Variants in DNAH14 observed in about 807,000 individuals in gnomAD.
DNAH14 encodes the protein dynein axonemal heavy chain 14, also known as axonemal beta dynein heavy chain 14.
Under a neutral mutation model 520.9 loss-of-function variants are expected in DNAH14, and 478 were observed. The ratio of observed to expected loss-of-function variants is 0.92; its 90% CI spans 0.85 to 0.99. The LOEUF is 0.99. Ranked by LOEUF, DNAH14 falls within the 50% of genes least tolerant of loss-of-function variation. DNAH14 has a pLI of 0.00. For missense variants in DNAH14, 4,831 were observed against 5,234.5 expected (o/e 0.92, Z 2.38); for synonymous variants, 1,581 against 1,757.2 (o/e 0.90, Z 2.51).
At chr1:225,065,800 T>C (rs1368685987) in intron 17 of DNAH14, among the ~76,000 whole-genome samples, 4 of 152,080 alleles carry the variant, frequency 2.6e-5, no homozygotes, top group African/African-American at 9.6e-5. Context: ...CAATTGTCCA[T>C]AAGTGAATAG....
intron 44 of DNAH14, among the ~76,000 whole-genome samples, chr1:225,255,779 G>A (rs999761268): frequency 6.6e-6 from 1 of 152,070 alleles, no homozygotes; most frequent in African/African-American, 2.4e-5. Flanking sequence ...TAGAATAAAG[G>A]TATATATTCT....
chr1:225,175,766 C>T (rs1391422723), intron 36 of DNAH14, among the ~76,000 whole-genome samples: 5 of 138,492 alleles, frequency 3.6e-5, no homozygotes, highest in Admixed American at 1.5e-4. Context: ...TGCACTGGTG[C>T]GATCTCAGCT....
At chr1:225,091,294 T>C (rs1470592711) in intron 21 of DNAH14, among the ~76,000 whole-genome samples, 1 of 152,022 alleles carries the variant, frequency 6.6e-6, no homozygotes, top group Non-Finnish European at 1.5e-5. Context: ...AATCGTCAGA[T>C]TCTCCAAGTT....
At chr1:225,292,394 A>C (rs2093912618) in intron 55 of DNAH14, among the ~76,000 whole-genome samples, 1 of 152,166 alleles carries the variant, frequency 6.6e-6, no homozygotes, top group Non-Finnish European at 1.5e-5. Context: ...CATTTGTCAA[A>C]AATGAGTTGG....
At position 225,337,512 on chromosome 1, in the gene DNAH14, G is replaced by A; in HGVS notation, c.10311+16G>A. 3.2e-6 allele frequency: 5 copies of A among 1,542,732 alleles called. No homozygotes were observed. Among genetic ancestry groups the A allele is most frequent in the Non-Finnish European group, 4.4e-6 (5 of 1,138,882 alleles). On this transcript the variant is annotated intron_variant, in intron 67 of 85. Transcript: ENST00000682510. Reference sequence around the variant, plus strand: ...CCTCCTGCAGGTAAGTGGGCAGTATGGCCTAATTTCCCTTGCAGCTGATAC... The same window carrying A: ...CCTCCTGCAGGTAAGTGGGCAGTATAGCCTAATTTCCCTTGCAGCTGATAC...
At chr1:225,317,711 T>C (rs1319076100) in intron 60 of DNAH14, among the ~76,000 whole-genome samples, 1 of 152,162 alleles carries the variant, frequency 6.6e-6, no homozygotes, top group East Asian at 1.9e-4. Flanking sequence ...AAGGTGTCAA[T>C]GAAAATCTAA....
chr1:225,229,172 G>A (rs550200203), intron 41 of DNAH14, among the ~76,000 whole-genome samples: 1 of 152,314 alleles, frequency 6.6e-6, no homozygotes, highest in African/African-American at 2.4e-5. Context: ...CTGCAGTGCT[G>A]AGCCATGTGG....
chr1:225,335,800 T>TACATACAC lies in DNAH14; in HGVS notation c.10081-1465_10081-1464insCATACACA, dbSNP rs1558436143. Among the ~76,000 whole-genome samples, 3 of 111,748 alleles carry TACATACAC rather than the reference T, an allele frequency of 2.7e-5. 1 individual carries two copies. The highest frequency in any genetic ancestry group is 5.4e-5 in the Non-Finnish European group (3 of 55,456). 73.3% of individuals were successfully genotyped at this position (111,748 alleles called of 152,430 possible). A position where few individuals can be genotyped will look rare whatever the true frequency, so the allele number is the denominator to read the frequency against. The stretch of plus-strand genomic sequence containing the variant: ...GCATATATTCATAAGTACATCTATG[T>TACATACAC]ATATGTACATATATGTACATACACA... On this transcript the variant is annotated intron_variant, in intron 66 of 85. Coordinates refer to ENST00000682510, the MANE Select transcript of DNAH14 (RefSeq NM_001367479.1).
chr1:225,259,989 C>T (rs2092877709), intron 46 of DNAH14, among the ~76,000 whole-genome samples: 1 of 152,032 alleles, frequency 6.6e-6, no homozygotes, highest in African/African-American at 2.4e-5. Flanking sequence ...ACAAGATTGC[C>T]TTCCTTTAAA....
At chr1:225,311,533 GT>G (rs2094365436) in intron 60 of DNAH14, among the ~76,000 whole-genome samples, 1 of 152,186 alleles carries the variant, frequency 6.6e-6, no homozygotes, top group Non-Finnish European at 1.5e-5. Flanking sequence ...CCATGCCTAT[GT>G]CCTGAATGGT....
chr1:225,052,088 A>G (rs1484663335), intron 17 of DNAH14, among the ~76,000 whole-genome samples: 3 of 152,100 alleles, frequency 2.0e-5, no homozygotes, highest in Non-Finnish European at 4.4e-5. Context: ...ATATATTACT[A>G]CTGGACATTA....
intron 41 of DNAH14, among the ~76,000 whole-genome samples, chr1:225,216,205 A>G (rs1193860781): frequency 6.6e-6 from 1 of 152,186 alleles, no homozygotes; most frequent in East Asian, 1.9e-4. Context: ...CTTTCCTTTA[A>G]GAATGTTGAA....
intron 55 of DNAH14, among the ~76,000 whole-genome samples, chr1:225,298,787 C>G (rs527262850): frequency 5.9e-5 from 9 of 152,276 alleles, no homozygotes; most frequent in African/African-American, 2.2e-4. Context: ...TCCAGCAGCT[C>G]CCTAAAATGG....
Position 225,080,685 on chromosome 1 carries a change from GA to G in DNAH14, c.3074del (p.Asp1025ValfsTer2). The G allele has an allele frequency of 6.4e-7, 1 of 1,551,188 alleles. No individual in the cohort carries two copies. The highest frequency in any genetic ancestry group is 1.7e-4 in the Middle Eastern group (1 of 5,986). On this transcript the variant is annotated frameshift_variant, in exon 19 of 86. Coordinates refer to ENST00000682510, the MANE Select transcript of DNAH14 (RefSeq NM_001367479.1). LOFTEE classifies it high-confidence loss of function. The part of the protein sequence containing the change: ...EWRNSSLQSI[D>X]VESVQRNVSK... Reference sequence around the variant, plus strand: ...GAGGAATAGTTCTCTTCAAAGTATTGATGTAGAATCAGTACAGAGAAATGTT... The same window carrying G: ...GAGGAATAGTTCTCTTCAAAGTATTGTGTAGAATCAGTACAGAGAAATGTT...
intron 11 of DNAH14, among the ~76,000 whole-genome samples, chr1:225,028,594 C>G (rs930614257): frequency 6.6e-6 from 1 of 151,518 alleles, no homozygotes; most frequent in African/African-American, 2.4e-5. Flanking sequence ...TATTGATTTT[C>G]TTGTCAATTA....
rs568799353 is a variant in DNAH14 at position 225,388,855 on chromosome 1, C to A, written c.13190+364C>A. On this transcript the variant is annotated intron_variant, in intron 82 of 85. Transcript: ENST00000682510. ...GCAGTGGCACGATCTCTGTTCACTG[C>A]AACCTCCACCTTCTGGGTTCAAGCA... Among the ~76,000 whole-genome samples the A allele has an allele frequency of 5.9e-5, 9 of 152,242 alleles. No homozygotes were observed. In the South Asian group the frequency reaches 1.7e-3, roughly 28 times the overall value.
At chr1:225,120,291 C>A (rs906058706) in intron 26 of DNAH14, among the ~76,000 whole-genome samples, 1 of 152,148 alleles carries the variant, frequency 6.6e-6, no homozygotes, top group Non-Finnish European at 1.5e-5. Context: ...GATTACCAGA[C>A]TGGGTGGTGT....
At chr1:225,265,047 C>T (rs1451494993) in intron 47 of DNAH14, 135 bp from the exon 48 acceptor site, 22 of 652,350 alleles carry the variant, frequency 3.4e-5, no homozygotes, top group South Asian at 5.1e-5. Context: ...AAAGTTCTAT[C>T]GGAGTAATTT....
At chr1:225,034,271 G>A (rs183879765) in intron 11 of DNAH14, among the ~76,000 whole-genome samples, 2 of 152,174 alleles carry the variant, frequency 1.3e-5, no homozygotes, top group South Asian at 2.1e-4. Flanking sequence ...TAACATGAAG[G>A]ATATTGAAAT....
Sources: allele counts gnomAD v4.1 joint callset (sites outside exome capture counted in the v4.1 genomes callset), GRCh38; gene constraint gnomAD v4.1.1; transcripts MANE v1.5; gene names NCBI Gene and HGNC (gene_info 2026-07-23, HGNC 2026-07-21).